Variants in PHLDB2 observed in about 807,000 individuals in gnomAD.
The protein encoded by PHLDB2 is pleckstrin homology like domain family B member 2.
A neutral mutation model predicts 123.6 loss-of-function variants in PHLDB2; 71 were observed. The observed-to-expected ratio is 0.57, with a 90% CI of 0.47 to 0.70. The LOEUF is 0.70. Ranked by LOEUF, PHLDB2 falls within the 30% of genes least tolerant of loss-of-function variation. PHLDB2 has a pLI of 0.00. For missense variants in PHLDB2, 1,446 were observed against 1,519.5 expected, an observed-to-expected ratio of 0.95 and a Z score of 0.80; for synonymous variants, 547 against 541.6, an observed-to-expected ratio of 1.01 and a Z score of -0.14.
chr3:111,967,198 C>T (rs527373928), intron 14 of PHLDB2, among the ~76,000 whole-genome samples: 1 of 152,342 alleles, frequency 6.6e-6, no homozygotes, highest in Non-Finnish European at 1.5e-5. Flanking sequence ...CCCTGAAGGG[C>T]ACCTCCTTTC....
intron 1 of PHLDB2, among the ~76,000 whole-genome samples, chr3:111,737,262 G>T (rs565569315): frequency 6.6e-6 from 1 of 152,288 alleles, no homozygotes; most frequent in African/African-American, 2.4e-5. Context: ...AATTGCCCCT[G>T]GCTGGCTGCC....
intron 1 of PHLDB2, among the ~76,000 whole-genome samples, chr3:111,789,129 G>A (rs1433349131): frequency 1.3e-5 from 2 of 152,126 alleles, no homozygotes; most frequent in South Asian, 2.1e-4. Context: ...TTATCAAGGC[G>A]ATGGAAAAAA....
rs1245306742 is a variant in PHLDB2, at chr3:111,974,767, A to G, written c.*204A>G. On this transcript the variant is annotated 3_prime_UTR_variant, in exon 18 of 18. Transcript: ENST00000431670. ...AACCTTCATAATAAATAGCAAAATA[A>G]TTGAAGCTTCCATGAGAAAGAAAAC... 1 of 406,456 alleles carries G rather than the reference A, an allele frequency of 2.5e-6. No individual in the cohort carries two copies. The highest frequency in any genetic ancestry group is 4.2e-6 in the Non-Finnish European group (1 of 239,058). 25.2% of individuals were successfully genotyped at this position (406,456 alleles called of 1,614,324 possible). A position where few individuals can be genotyped will look rare whatever the true frequency, so the allele number is the denominator to read the frequency against.
intron 1 of PHLDB2, among the ~76,000 whole-genome samples, chr3:111,872,696 G>A (rs1192321592): frequency 6.6e-6 from 1 of 152,140 alleles, no homozygotes; most frequent in Admixed American, 6.5e-5. Flanking sequence ...GATTAGGCCT[G>A]CTCACACCTA....
chr3:111,895,930 C>T (rs9857092), intron 2 of PHLDB2, among the ~76,000 whole-genome samples: 22,096 of 151,664 alleles, frequency 0.15, 1,911 homozygotes, highest in East Asian at 0.26. Context: ...TGAAGGAGGA[C>T]TATTGATTGT....
intron 6 of PHLDB2, among the ~76,000 whole-genome samples, chr3:111,936,413 T>A (rs1286198764): frequency 6.6e-6 from 1 of 152,192 alleles, no homozygotes; most frequent in Non-Finnish European, 1.5e-5. Flanking sequence ...CCAAATTCCA[T>A]TCCCAGACTT....
chr3:111,857,393 G>A (rs1047599126), upstream of PHLDB2, among the ~76,000 whole-genome samples: 28 of 150,146 alleles, frequency 1.9e-4, no homozygotes, highest in African/African-American at 6.6e-4. Context: ...TAAGGCTGCA[G>A]TGAGCTATGA....
At chr3:111,834,175 TTA>T (rs1198778759) in intron 1 of PHLDB2, among the ~76,000 whole-genome samples, 2 of 83,812 alleles carry the variant, frequency 2.4e-5, no homozygotes, top group Non-Finnish European at 4.9e-5. Flanking sequence ...TGTAATAGAA[TTA>T]TATATATTAT....
chr3:111,828,130 C>A (rs1344425549), intron 1 of PHLDB2, among the ~76,000 whole-genome samples: 2 of 152,230 alleles, frequency 1.3e-5, no homozygotes, highest in African/African-American at 4.8e-5. Context: ...TCAGCTAGCT[C>A]TCAACTACAC....
rs1428279651 is a variant in PHLDB2 at position 111,966,636 on chromosome 3, G to C, written c.3101G>C (p.Arg1034Thr). Residue 1034 changes from arginine (R) to threonine (T), a missense_variant, in exon 14 of 18, where the codon AGA (arginine) becomes ACA (threonine). Transcript: ENST00000431670. ...AGTGCCAGCACTTCAAATATTGCTA[G>C]AATAGAAGAAATGGAGAGACTTTTG... ...ISSASTSNIARIEEMERLLKQ... is the reference protein window; with the variant it reads ...ISSASTSNIATIEEMERLLKQ... 1 of 1,613,210 alleles carries C rather than the reference G, an allele frequency of 6.2e-7. No homozygotes were observed.
chr3:111,929,352 G>A (rs988646862), intron 5 of PHLDB2, among the ~76,000 whole-genome samples: 5 of 151,966 alleles, frequency 3.3e-5, no homozygotes, highest in African/African-American at 1.2e-4. Context: ...TTTGGTGTTT[G>A]GAAAATATTA....
At chr3:111,974,245 A>G (rs1219453683) in intron 17 of PHLDB2, among the ~76,000 whole-genome samples, 178 bp from the exon 18 acceptor site, 1 of 152,232 alleles carries the variant, frequency 6.6e-6, no homozygotes, top group Non-Finnish European at 1.5e-5. Flanking sequence ...CTGTTCAGAA[A>G]AATGGTCAAT....
chr3:111,742,942 A>G (rs971203134), intron 1 of PHLDB2, among the ~76,000 whole-genome samples: 1 of 152,206 alleles, frequency 6.6e-6, no homozygotes, highest in African/African-American at 2.4e-5. Context: ...GATCAACATG[A>G]TCAACATCTT....
intron 2 of PHLDB2, among the ~76,000 whole-genome samples, chr3:111,889,615 T>C (rs559561638): frequency 6.6e-6 from 1 of 152,154 alleles, no homozygotes; most frequent in Non-Finnish European, 1.5e-5. Context: ...GGTGGCAGTA[T>C]TGATTGAGCT....
chr3:111,866,114 G>T (rs2065068463), intron 1 of PHLDB2, among the ~76,000 whole-genome samples: 1 of 140,054 alleles, frequency 7.1e-6, no homozygotes, highest in Admixed American at 7.9e-5. Context: ...GGCCTCCCAG[G>T]TTCAAGTGAT....
chr3:111,732,609 C>T, exon 1 of PHLDB2: 1 of 1,532,822 alleles, frequency 6.5e-7, no homozygotes, highest in East Asian at 2.4e-5. Context: ...CAACATCCCA[C>T]TCTCTTCAGC....
chr3:111,757,954 C>T (rs1339453525), intron 1 of PHLDB2, among the ~76,000 whole-genome samples: 3 of 152,186 alleles, frequency 2.0e-5, no homozygotes, highest in African/African-American at 7.2e-5. Flanking sequence ...CTGATCGTTC[C>T]TCTGGAAGTT....
intron 12 of PHLDB2, among the ~76,000 whole-genome samples, chr3:111,956,183 G>T (rs1052670053): frequency 6.6e-6 from 1 of 152,186 alleles, no homozygotes; most frequent in Non-Finnish European, 1.5e-5. Context: ...AACAGAGCAA[G>T]ACCCTGTCTC....
intron 1 of PHLDB2, among the ~76,000 whole-genome samples, chr3:111,868,987 A>T (rs181024741): frequency 1.9e-4 from 29 of 152,316 alleles, no homozygotes; most frequent in African/African-American, 6.7e-4. Flanking sequence ...TTGATGGCTT[A>T]CCCTCTTTAC....
Sources: gnomAD v4.1 joint callset for allele counts (sites outside exome capture counted in the v4.1 genomes callset) on GRCh38, gnomAD v4.1.1 for gene constraint, MANE v1.5 for transcripts, NCBI Gene and HGNC (gene_info 2026-07-23, HGNC 2026-07-21) for gene names.